TANC1: variants seen among roughly 807,000 people sequenced by gnomAD.
The protein encoded by TANC1 is tetratricopeptide repeat, ankyrin repeat and coiled-coil containing 1.
A neutral mutation model predicts 149.7 loss-of-function variants in TANC1; 77 were observed. The ratio of observed to expected loss-of-function variants is 0.51; its 90% CI spans 0.43 to 0.62. The LOEUF (loss-of-function observed/expected upper bound fraction) is 0.62. Ranked by LOEUF, TANC1 falls within the 20% of genes least tolerant of loss-of-function variation. The probability of loss-of-function intolerance (pLI) is 0.00; values close to 1 mark genes in which losing one functional copy is unlikely to be tolerated. For missense variants in TANC1, 1,985 were observed against 2,321.8 expected (o/e 0.85, Z 2.98); for synonymous variants, 854 against 925.0 (o/e 0.92, Z 1.39).
chr2:159,123,264 G>T (rs1027781415), intron 4 of TANC1, among the ~76,000 whole-genome samples: 1 of 152,090 alleles, frequency 6.6e-6, no homozygotes, highest in African/African-American at 2.4e-5. Flanking sequence ...TTTCTGTATA[G>T]GGCGAAGGGT....
intron 2 of TANC1, among the ~76,000 whole-genome samples, chr2:159,049,470 T>C (rs2041312903): frequency 6.6e-6 from 1 of 152,166 alleles, no homozygotes. Flanking sequence ...GAGGGACTGC[T>C]TCATCATCAG....
intron 4 of TANC1, among the ~76,000 whole-genome samples, chr2:159,098,237 T>C (rs1357727071): frequency 6.6e-6 from 1 of 152,210 alleles, no homozygotes; most frequent in Non-Finnish European, 1.5e-5. Context: ...ACCTTTTCTA[T>C]GTTTAGATAT....
At position 159,231,066 on chromosome 2, in the gene TANC1, G is replaced by T. The variant is rs2060312613; in HGVS notation, c.*54G>T. ...TGGAAACGTGTGTTGACTCCTGGTG[G>T]TAAATTAAATAGTTTTTTTCATCAG... On this transcript the variant is annotated 3_prime_UTR_variant, in exon 27 of 27. Transcript: ENST00000263635. 4.4e-6 allele frequency: 6 copies of T among 1,374,278 alleles called. No individual in the cohort carries two copies. Among genetic ancestry groups the T allele is most frequent in the Non-Finnish European group, 5.0e-6 (5 of 1,008,604 alleles). The allele number at this position is 1,374,278 out of a possible 1,614,324, so 85.1% of individuals were successfully genotyped here.
chr2:159,209,243 C>A (rs1045448741), intron 19 of TANC1, among the ~76,000 whole-genome samples: 19 of 152,274 alleles, frequency 1.2e-4, no homozygotes, highest in Admixed American at 1.2e-3. Context: ...TCTGGAAGAG[C>A]CATCTTGATT....
intron 2 of TANC1, among the ~76,000 whole-genome samples, chr2:159,052,087 C>T (rs1181040911): frequency 6.6e-6 from 1 of 152,184 alleles, no homozygotes; most frequent in Non-Finnish European, 1.5e-5. Flanking sequence ...ATTAGGAAGC[C>T]TGATCCAGTT....
intron 4 of TANC1, among the ~76,000 whole-genome samples, chr2:159,127,050 T>C (rs2049524049): frequency 6.6e-6 from 1 of 152,342 alleles, no homozygotes; most frequent in South Asian, 2.1e-4. Context: ...GCTATAAACA[T>C]GTAGACTACA....
chr2:159,079,077 T>G (rs1209956769), intron 3 of TANC1, among the ~76,000 whole-genome samples: 1 of 152,176 alleles, frequency 6.6e-6, no homozygotes, highest in Non-Finnish European at 1.5e-5. Flanking sequence ...TGGGGGTTTT[T>G]GGTACTTAAA....
chr2:159,017,758 G>A (rs1199305422), intron 2 of TANC1, among the ~76,000 whole-genome samples: 3 of 151,804 alleles, frequency 2.0e-5, no homozygotes, highest in South Asian at 2.1e-4. Flanking sequence ...CCTAATGCAC[G>A]CGGGACTTCA....
rs181896404 is a variant in TANC1 at position 159,027,477 on chromosome 2, G to A, written c.-16+26288G>A. On this transcript the variant is annotated intron_variant, in intron 2 of 26. Transcript: ENST00000263635. ...TTCCGTCTGAGACCTTGTCGGAATG[G>A]CCTTTACTGTTCAAATTTCTACCAA... 4.5e-3 allele frequency among the ~76,000 whole-genome samples: 685 copies of A among 152,256 alleles called. 5 individuals carry two copies. Among genetic ancestry groups the A allele is most frequent in the African/African-American group, 0.015 (640 of 41,536 alleles).
rs1463486041 is a variant in TANC1 at position 159,011,393 on chromosome 2, C to T, written c.-16+10204C>T. On this transcript the variant is annotated intron_variant, in intron 2 of 26. Coordinates refer to ENST00000263635, the MANE Select transcript of TANC1 (RefSeq NM_033394.3). ...TCAAATCTACTCCTCAAAGAGGAAA[C>T]ACTCAGTGTTTGGATTCTTTGGATC... 1.8e-4 allele frequency among the ~76,000 whole-genome samples: 28 copies of T among 152,052 alleles called. 1 individual carries two copies. Among genetic ancestry groups the T allele is most frequent in the Admixed American group, 1.8e-3 (28 of 15,266 alleles).
At chr2:159,066,110 T>C in intron 3 of TANC1, 139 bp downstream of exon 3, 1 of 721,862 alleles carries the variant, frequency 1.4e-6, no homozygotes, top group Non-Finnish European at 2.5e-6. Context: ...TGCTGGAGGC[T>C]ATGAGAAATG....
Position 159,097,729 on chromosome 2 carries a change from T to A in TANC1, c.154T>A (p.Tyr52Asn). The stretch of plus-strand genomic sequence containing the variant: ...CAGTCTTCCCACAGCAGAGGACACC[T>A]ATAGGGTGAGCTTGGCCAAAGGTGT... ...VSSLPTAEDT[Y>N]RVSLAKGVSM... is the part of the protein sequence containing the mutation. The change falls in exon 4 of 27, where the codon TAT becomes AAT. Residue 52 changes from tyrosine to asparagine, a missense_variant. Around this residue, in one of 3 missense-constraint regions of TANC1, gnomAD observed 557 missense variants for 612.9 expected, o/e 0.91. Coordinates refer to ENST00000263635, the MANE Select transcript of TANC1 (RefSeq NM_033394.3). The A allele has an allele frequency of 6.2e-7, 1 of 1,614,136 alleles. No individual in the cohort carries two copies. The highest frequency in any genetic ancestry group is 8.5e-7 in the Non-Finnish European group (1 of 1,180,018).
chr2:159,120,213 G>A (rs142722998), intron 4 of TANC1, among the ~76,000 whole-genome samples: 1 of 152,304 alleles, frequency 6.6e-6, no homozygotes, highest in African/African-American at 2.4e-5. Context: ...TGTATGTGCT[G>A]TGGGGAAAGG....
At chr2:159,094,498 T>C (rs2045877722) in intron 3 of TANC1, among the ~76,000 whole-genome samples, 1 of 152,202 alleles carries the variant, frequency 6.6e-6, no homozygotes, top group South Asian at 2.1e-4. Context: ...CCTCAGCTTT[T>C]ACAAGTTTGT....
At chr2:159,119,191 C>T (rs192344785) in intron 4 of TANC1, among the ~76,000 whole-genome samples, 68 of 152,256 alleles carry the variant, frequency 4.5e-4, no homozygotes, top group African/African-American at 1.4e-3. Context: ...TGTACACATG[C>T]GTAAGAGGTT....
intron 4 of TANC1, among the ~76,000 whole-genome samples, chr2:159,111,269 A>G (rs2047689211): frequency 1.3e-5 from 2 of 152,222 alleles, no homozygotes; most frequent in Non-Finnish European, 2.9e-5. Context: ...TAAATGCTGC[A>G]AGGTGGTCCA....
intron 25 of TANC1, chr2:159,228,403 G>T: frequency 7.6e-6 from 2 of 262,252 alleles, no homozygotes; most frequent in Non-Finnish European, 7.3e-6. Context: ...GTAACTAGTA[G>T]ATCTGTTTCA....
chr2:159,156,931 G>C (rs1319149783), intron 7 of TANC1, among the ~76,000 whole-genome samples: 1 of 152,228 alleles, frequency 6.6e-6, no homozygotes, highest in African/African-American at 2.4e-5. Flanking sequence ...TGAAGAGCCT[G>C]ATGAATGTGG....
At chr2:158,978,714 T>G (rs1360028237) in intron 1 of TANC1, among the ~76,000 whole-genome samples, 1 of 152,174 alleles carries the variant, frequency 6.6e-6, no homozygotes, top group Non-Finnish European at 1.5e-5. Flanking sequence ...CTGTAGTGCT[T>G]AGCTGAATAG....
Sources: allele counts gnomAD v4.1 joint callset (sites outside exome capture counted in the v4.1 genomes callset), GRCh38; gene constraint gnomAD v4.1.1; regional missense constraint gnomAD v4.1.1; transcripts MANE v1.5; gene names NCBI Gene and HGNC (gene_info 2026-07-23, HGNC 2026-07-21).